The following C1orf116 variants were observed in gnomAD, a reference collection of about 807,000 sequenced individuals.
C1orf116 encodes the protein specifically androgen-regulated gene protein.
In C1orf116, 12 loss-of-function variants were observed where a neutral mutation model predicts 14.1. The ratio of observed to expected loss-of-function variants is 0.85; its 90% CI spans 0.54 to 1.38. The LOEUF (loss-of-function observed/expected upper bound fraction) is 1.38. Among genes scored for constraint, C1orf116 ranks in the 40% most tolerant of loss-of-function variants. The probability of loss-of-function intolerance (pLI) is 0.00; values close to 1 mark genes in which losing one functional copy is unlikely to be tolerated. For synonymous variants in C1orf116, 296 were observed against 299.0 expected, an observed-to-expected ratio of 0.99 and a Z score of 0.10; for missense variants, 797 against 747.0, an observed-to-expected ratio of 1.07 and a Z score of -0.78.
At position 207,032,562 on chromosome 1, in the gene C1orf116, G is replaced by A. The variant is rs1324763978; in HGVS notation, c.-82+17C>T. On this transcript the variant is annotated intron_variant, in intron 1 of 3. Coordinates refer to ENST00000359470, the MANE Select transcript of C1orf116 (RefSeq NM_023938.6). ...ATTGCTATAGGATAAGCAATAGTTG[G>A]TTAGTGATTAACTCACCTCCACTGG... 1.0e-6 allele frequency: 1 copy of A among 985,132 alleles called. No individual in the cohort carries two copies. The highest frequency in any genetic ancestry group is 1.2e-6 in the Non-Finnish European group (1 of 829,848). The allele number at this position is 985,132 out of a possible 1,614,324, so 61.0% of individuals were successfully genotyped here. A position where few individuals can be genotyped will look rare whatever the true frequency, so the allele number is the denominator to read the frequency against.
rs1417886178 is a variant in C1orf116, at chr1:207,024,880, G to A, written c.283+7C>T. On this transcript the variant is annotated splice_region_variant and intron_variant, in intron 3 of 3. Transcript: ENST00000359470. ...GCTGGGGTTCCACCCCAGAGGGTCT[G>A]CCTTACCCCGGGGAGTGGGTTGGGT... 6.2e-7 allele frequency: 1 copy of A among 1,609,600 alleles called. No individual in the cohort carries two copies. Among genetic ancestry groups the A allele is most frequent in the Admixed American group, 1.7e-5 (1 of 59,924 alleles).
Position 207,021,866 on chromosome 1 carries a change from T to G in C1orf116, c.*92A>C. ...TCAAATCTCTCCCTCCCATTCATCT[T>G]GAGCCCTGAGTTGCGTGGTGGCAAA... On this transcript the variant is annotated 3_prime_UTR_variant, in exon 4 of 4. Coordinates refer to ENST00000359470, the MANE Select transcript of C1orf116 (RefSeq NM_023938.6). The G allele has an allele frequency of 7.3e-5, 95 of 1,298,416 alleles. No individual in the cohort carries two copies. The highest frequency in any genetic ancestry group is 2.3e-4 in the Middle Eastern group (1 of 4,288). The allele number at this position is 1,298,416 out of a possible 1,614,324, so 80.4% of individuals were successfully genotyped here. A position where few individuals can be genotyped will look rare whatever the true frequency, so the allele number is the denominator to read the frequency against.
intron 2 of C1orf116, among the ~76,000 whole-genome samples, chr1:207,025,807 G>A (rs1682059198): frequency 6.6e-6 from 1 of 152,200 alleles, no homozygotes; most frequent in Non-Finnish European, 1.5e-5. Flanking sequence ...TAAAGGGGGA[G>A]GTTGGTGGAG....
At position 207,023,104 on chromosome 1, in the gene C1orf116, C is replaced by T. The variant is rs1376222827; in HGVS notation, c.660G>A (p.Gly220=). 1 of 1,612,600 alleles carries T rather than the reference C, an allele frequency of 6.2e-7. No homozygotes were observed. The highest frequency in any genetic ancestry group is 8.5e-7 in the Non-Finnish European group (1 of 1,179,940). The stretch of plus-strand genomic sequence containing the variant: ...GGGGTGTGTGGCCCTGCTGTCCTGG[C>T]CCCTCGGGCAGGCTGGCTTCCCTAC... ...EQCREASLPE[G]PGQQGHTPQL... The change falls in exon 4 of 4, where the codon GGG becomes GGA. Residue 220 remains glycine, a synonymous_variant. Transcript: ENST00000359470.
In C1orf116 at chr1:207,025,002, C is replaced by T. The variant is rs756643635; in HGVS notation, c.168G>A (p.Glu56=). ...CCTCCGTGTCCAGTGAGCCAATGGT[C>T]TCCTCCAGGAAGAGCAGACACTCCT... ...EEKECLLFLE[E]TIGSLDTEAD... Residue 56 remains glutamate, a synonymous_variant, in exon 3 of 4, where the codon GAG becomes GAA. Transcript: ENST00000359470. 1 of 1,612,994 alleles carries T rather than the reference C, an allele frequency of 6.2e-7. No individual in the cohort carries two copies. Among genetic ancestry groups the T allele is most frequent in the East Asian group, 2.2e-5 (1 of 44,810 alleles).
chr1:207,021,277 C>T lies in C1orf116; in HGVS notation c.*681G>A, dbSNP rs569182689. The T allele has an allele frequency of 6.5e-6, 1 of 152,734 alleles. No individual in the cohort carries two copies. Among genetic ancestry groups the T allele is most frequent in the East Asian group, 1.9e-4 (1 of 5,180 alleles). The allele number at this position is 152,734 out of a possible 1,614,324, so 9.5% of individuals were successfully genotyped here. A position where few individuals can be genotyped will look rare whatever the true frequency, so the allele number is the denominator to read the frequency against. On this transcript the variant is annotated 3_prime_UTR_variant, in exon 4 of 4. Coordinates refer to ENST00000359470, the MANE Select transcript of C1orf116 (RefSeq NM_023938.6). ...GTGGCATAAATATGTGGTCACTTAT[C>T]CTGCCTTCTCAGACCAACAAGAGCT... is the stretch of plus-strand genomic sequence containing the variant.
intron 3 of C1orf116, among the ~76,000 whole-genome samples, chr1:207,024,251 T>C (rs1248452023): frequency 6.6e-6 from 1 of 152,226 alleles, no homozygotes; most frequent in Non-Finnish European, 1.5e-5. Context: ...TAACTACTTG[T>C]TAATAAATAT....
intron 2 of C1orf116, among the ~76,000 whole-genome samples, chr1:207,026,079 C>A (rs1682065383): frequency 6.6e-6 from 1 of 152,186 alleles, no homozygotes; most frequent in Admixed American, 6.5e-5. Context: ...CTTGGCATCT[C>A]CAGCCCTTTT....
rs917201594 is a variant in C1orf116, at chr1:207,018,581, A to C, written c.*3377T>G. Reference sequence around the variant, plus strand: ...GCCAGAACTAAGCTTTACATGTTTTATATCACTTATTTATCTCAACAATCT... The same window carrying C: ...GCCAGAACTAAGCTTTACATGTTTTCTATCACTTATTTATCTCAACAATCT... On this transcript the variant is annotated 3_prime_UTR_variant, in exon 4 of 4. Transcript: ENST00000359470. 6.6e-6 allele frequency: 1 copy of C among 152,206 alleles called. No individual in the cohort carries two copies. The highest frequency in any genetic ancestry group is 2.1e-4 in the South Asian group (1 of 4,828). The allele number at this position is 152,206 out of a possible 1,614,324, so 9.4% of individuals were successfully genotyped here.
chr1:207,022,381 C>T lies in C1orf116; in HGVS notation c.1383G>A (p.Glu461=), dbSNP rs1394058255. 4.3e-6 allele frequency: 7 copies of T among 1,614,166 alleles called. No individual in the cohort carries two copies. In the South Asian group the frequency reaches 6.6e-5, roughly 15 times the overall value. The change falls in exon 4 of 4, where the codon GAG becomes GAA. Residue 461 remains glutamate, a synonymous_variant. Coordinates refer to ENST00000359470, the MANE Select transcript of C1orf116 (RefSeq NM_023938.6). The stretch of plus-strand genomic sequence containing the variant: ...TGCTCTCCTGGAGAGTCAGCCCTGA[C>T]TCTGGCTTCGGTGGAGTCAGGGCAC... ...ANSALTPPKP[E]SGLTLQESNT... is the part of the protein sequence containing the mutation.
chr1:207,030,957 T>C (rs1173962787), intron 1 of C1orf116, among the ~76,000 whole-genome samples: 1 of 152,226 alleles, frequency 6.6e-6, no homozygotes, highest in African/African-American at 2.4e-5. Flanking sequence ...TTCTGGCATC[T>C]GGAGATGGTG....
chr1:207,026,971 A>G (rs976651593), intron 2 of C1orf116, among the ~76,000 whole-genome samples: 1 of 152,240 alleles, frequency 6.6e-6, no homozygotes, highest in Middle Eastern at 3.2e-3. Flanking sequence ...TTGGGTATGA[A>G]CACTAAGTAT....
intron 1 of C1orf116, among the ~76,000 whole-genome samples, chr1:207,031,507 T>G (rs1358023867): frequency 1.3e-5 from 2 of 152,130 alleles, no homozygotes; most frequent in African/African-American, 2.4e-5. Flanking sequence ...GGGCTGCGTG[T>G]GCCAGGCCCT....
chr1:207,022,545 C>G lies in C1orf116; in HGVS notation c.1219G>C (p.Gly407Arg). 6.2e-7 allele frequency: 1 copy of G among 1,614,138 alleles called. No individual in the cohort carries two copies. ...AQASAAIPAA[G>R]KALAQAPAPA... Reference sequence around the variant, plus strand: ...GCCGGAGCTTGAGCCAGAGCCTTCCCAGCAGCAGGAATAGCTGCTGAGGCC... The same window carrying G: ...GCCGGAGCTTGAGCCAGAGCCTTCCGAGCAGCAGGAATAGCTGCTGAGGCC... Residue 407 changes from glycine to arginine, a missense_variant, in exon 4 of 4, where the codon GGG becomes CGG. Gly to Arg is a moderately radical substitution (Grantham distance 125, BLOSUM62 -2). Coordinates refer to ENST00000359470, the MANE Select transcript of C1orf116 (RefSeq NM_023938.6).
At chr1:207,030,815 TG>T (rs975939145) in intron 1 of C1orf116, among the ~76,000 whole-genome samples, 2 of 152,162 alleles carry the variant, frequency 1.3e-5, no homozygotes, top group African/African-American at 4.8e-5. Context: ...GAGGAGGGAA[TG>T]GGTTAAGAAA....
rs962087938 is a variant in C1orf116, at chr1:207,022,636, G to A, written c.1128C>T (p.Pro376=). 1.2e-6 allele frequency: 2 copies of A among 1,614,070 alleles called. No homozygotes were observed. The highest frequency in any genetic ancestry group is 1.7e-6 in the Non-Finnish European group (2 of 1,180,030). The stretch of plus-strand genomic sequence containing the variant: ...ACAGATGCTGGGCCCGTGTCTCCTT[G>A]GGTCTGATGGAGCTGGTGGGCTTAC... ...HLSKPTSSIR[P]KETRAQHLSP... Residue 376 remains proline, a synonymous_variant, in exon 4 of 4, where the codon CCC becomes CCT. Coordinates refer to ENST00000359470, the MANE Select transcript of C1orf116 (RefSeq NM_023938.6).
At chr1:207,028,158 G>A (rs1359870421) in intron 1 of C1orf116, among the ~76,000 whole-genome samples, 1 of 152,152 alleles carries the variant, frequency 6.6e-6, no homozygotes, top group Admixed American at 6.5e-5. Flanking sequence ...TTAGTTGGTA[G>A]TAAATACCCT....
chr1:207,029,960 AC>A (rs1339133468), intron 1 of C1orf116, among the ~76,000 whole-genome samples: 21 of 152,302 alleles, frequency 1.4e-4, no homozygotes, highest in Admixed American at 5.9e-4. Flanking sequence ...GAAAATTACT[AC>A]CCTTGTGCTT....
rs777729690 is a variant in C1orf116 at position 207,023,274 on chromosome 1, G to C, written c.490C>G (p.Leu164Val). ...SSHNPGEPGRLAPEPEKEQVS... is the reference protein window; with the variant it reads ...SSHNPGEPGRVAPEPEKEQVS... ...TGTTCTTTCTCAGGCTCTGGCGCAA[G>C]CCTCCCCGGTTCTCCAGGGTTGTGA... The change falls in exon 4 of 4, where the codon CTT becomes GTT. Residue 164 changes from leucine to valine, a missense_variant. By Grantham distance (32) the Leu-to-Val change is conservative (BLOSUM62 1). Coordinates refer to ENST00000359470, the MANE Select transcript of C1orf116 (RefSeq NM_023938.6). 1 of 1,614,000 alleles carries C rather than the reference G, an allele frequency of 6.2e-7. No individual in the cohort carries two copies. Among genetic ancestry groups the C allele is most frequent in the South Asian group, 1.1e-5 (1 of 91,078 alleles).
Sources: gnomAD v4.1 joint callset for allele counts (sites outside exome capture counted in the v4.1 genomes callset) on GRCh38, gnomAD v4.1.1 for gene constraint, MANE v1.5 for transcripts, NCBI Gene and HGNC (gene_info 2026-07-23, HGNC 2026-07-21) for gene names.